UNC5A: variants seen among roughly 807,000 people sequenced by gnomAD.
UNC5A encodes netrin receptor UNC5A.
UNC5A carries 20 observed loss-of-function variants against 87.4 expected under a neutral mutation model. That is an observed-to-expected ratio of 0.23 (90% CI 0.16 to 0.33). The LOEUF (loss-of-function observed/expected upper bound fraction) is 0.33, where lower values mean the gene tolerates loss of function less well. UNC5A is among the 10% of genes least tolerant of loss of function. UNC5A has a pLI of 1.00. For missense variants in UNC5A, 844 were observed against 1,133.4 expected, an observed-to-expected ratio of 0.74 and a Z score of 3.67; for synonymous variants, 438 against 482.3, an observed-to-expected ratio of 0.91 and a Z score of 1.20.
chr5:176,879,236 C>T, intron 13 of UNC5A, 74 bp from the exon 14 acceptor site: 3 of 1,500,246 alleles, frequency 2.0e-6, no homozygotes, highest in Non-Finnish European at 2.7e-6. Flanking sequence ...CTGGGAGCTC[C>T]CCCAGCAGGA....
At chr5:176,860,744 C>G (rs1757815960) in intron 1 of UNC5A, among the ~76,000 whole-genome samples, 1 of 152,186 alleles carries the variant, frequency 6.6e-6, no homozygotes, top group African/African-American at 2.4e-5. Flanking sequence ...GGTCTGATGA[C>G]CTTCATTTTC....
At position 176,872,357 on chromosome 5, in the gene UNC5A, A is replaced by T. The variant is rs538167381; in HGVS notation, c.887-1611A>T. On this transcript the variant is annotated intron_variant, in intron 6 of 14. Coordinates refer to ENST00000329542, the MANE Select transcript of UNC5A (RefSeq NM_133369.3). ...ATCTGTCCACGCTCACCAACACCAC[A>T]GCTTCACATCTGCCCACACTCACCA... Among the ~76,000 whole-genome samples, 143 of 17,664 alleles carry T rather than the reference A, an allele frequency of 8.1e-3. 30 individuals carry two copies. Among genetic ancestry groups the T allele is most frequent in the African/African-American group, 0.024 (136 of 5,572 alleles). The allele number at this position is 17,664 out of a possible 152,430, so 11.6% of individuals were successfully genotyped here. A position where few individuals can be genotyped will look rare whatever the true frequency, so the allele number is the denominator to read the frequency against.
At chr5:176,877,043 G>A in intron 8 of UNC5A, 149 bp from the exon 9 acceptor site, 2 of 613,194 alleles carry the variant, frequency 3.3e-6, no homozygotes, top group East Asian at 6.1e-5. Flanking sequence ...GGGGGTGGTT[G>A]GTCAGCACGG....
rs540266679 is a variant in UNC5A, at chr5:176,864,301, C to T, written c.292+1456C>T. Among the ~76,000 whole-genome samples, 10 of 152,304 alleles carry T rather than the reference C, an allele frequency of 6.6e-5. No homozygotes were observed. In the South Asian group the frequency reaches 1.9e-3, roughly 28 times the overall value. On this transcript the variant is annotated intron_variant, in intron 2 of 14. Transcript: ENST00000329542. ...TCGGGTATGGAGCGAGAGCGAACCC[C>T]GGGGCAGGCAGCAGTGGCCAGGAGA...
Position 176,866,753 on chromosome 5 carries a change from G to A in UNC5A, c.293-1377G>A, listed in dbSNP as rs899793529. Among the ~76,000 whole-genome samples the A allele has an allele frequency of 1.3e-5, 2 of 152,108 alleles. No individual in the cohort carries two copies. The highest frequency in any genetic ancestry group is 2.9e-5 in the Non-Finnish European group (2 of 68,020). On this transcript the variant is annotated intron_variant, in intron 2 of 14. Coordinates refer to ENST00000329542, the MANE Select transcript of UNC5A (RefSeq NM_133369.3). This position sits in a 1 kb window ranked among gnomAD's most constrained non-coding sequence, Gnocchi z 5.0. ...CCCCTCTCCTATACAAGGACCCTGT[G>A]AGCCACCCCCTCGTTCTCAGCCTGC...
intron 1 of UNC5A, among the ~76,000 whole-genome samples, chr5:176,830,021 T>C (rs1756960808): frequency 6.6e-6 from 1 of 151,782 alleles, no homozygotes; most frequent in Non-Finnish European, 1.5e-5. Flanking sequence ...ATTAAAGGGG[T>C]GTGCCACCAT....
rs192855305 is a variant in UNC5A at position 176,878,506 on chromosome 5, C to T, written c.2051C>T (p.Thr684Met). 60 of 1,613,052 alleles carry T rather than the reference C, an allele frequency of 3.7e-5. No homozygotes were observed. The highest frequency in any genetic ancestry group is 4.7e-5 in the Non-Finnish European group (56 of 1,179,824). The change falls in exon 13 of 15, where the codon ACG (threonine) becomes ATG (methionine). Residue 684 changes from threonine (T) to methionine (M), a missense_variant. By Grantham distance (81) the Thr-to-Met change is moderately conservative. Transcript: ENST00000329542. ...EIPFYHIWNG[T>M]QRYLHCTFTL... ...CCCTTTTATCACATCTGGAATGGCA[C>T]GCAGCGGTACTTGCACTGCACCTTC...
intron 1 of UNC5A, among the ~76,000 whole-genome samples, chr5:176,831,468 ATCCAGGTGTGACCTGGGGGC>A (rs998711517): frequency 2.6e-5 from 4 of 152,224 alleles, no homozygotes; most frequent in African/African-American, 9.6e-5. Context: ...GCCAGCACGC[ATCCAGGTGTGACCTGGGGGC>A]TCCATTCCTT....
chr5:176,868,646 G>T lies in UNC5A; in HGVS notation c.522G>T (p.Glu174Asp). 1 of 1,604,652 alleles carries T rather than the reference G, an allele frequency of 6.2e-7. No homozygotes were observed. Among genetic ancestry groups the T allele is most frequent in the Non-Finnish European group, 8.5e-7 (1 of 1,176,112 alleles). The part of the protein sequence containing the change: ...QGIVLPCRPP[E>D]GIPPAEVEWL... ...TCGTGCTGCCCTGCCGTCCACCGGA[G>T]GGCATCCCTCCAGCCGAGGTGAGGG... The change falls in exon 4 of 15, where the codon GAG becomes GAT. Residue 174 changes from glutamate to aspartate, a missense_variant. Physicochemically the swap from Glu to Asp is conservative, Grantham distance 45. This residue lies in a region of UNC5A where 314 missense variants were observed against 466.5 expected (regional missense o/e 0.67). Transcript: ENST00000329542.
intron 1 of UNC5A, among the ~76,000 whole-genome samples, chr5:176,825,301 G>A (rs1314434625): frequency 2.6e-5 from 4 of 152,196 alleles, no homozygotes; most frequent in African/African-American, 7.2e-5. Context: ...AAGGGGGCCC[G>A]GGAGAGAGCA....
In UNC5A at chr5:176,880,763, C is replaced by A; in HGVS notation, c.*877C>A. The A allele has an allele frequency of 4.1e-6, 1 of 242,370 alleles. No individual in the cohort carries two copies. The highest frequency in any genetic ancestry group is 9.1e-5 in the South Asian group (1 of 10,942). 15.0% of individuals were successfully genotyped at this position (242,370 alleles called of 1,614,324 possible). A position where few individuals can be genotyped will look rare whatever the true frequency, so the allele number is the denominator to read the frequency against. On this transcript the variant is annotated 3_prime_UTR_variant, in exon 15 of 15. Transcript: ENST00000329542. ...CCCACGCGGGGCCTGTCATGTGAAG[C>A]TCGTGTCCTGACTTTGTCTTAAGTG...
rs540061935 is a variant in UNC5A at position 176,866,118 on chromosome 5, G to A, written c.293-2012G>A. 3.3e-5 allele frequency among the ~76,000 whole-genome samples: 5 copies of A among 152,260 alleles called. No individual in the cohort carries two copies. The highest frequency in any genetic ancestry group is 1.3e-4 in the Admixed American group (2 of 15,308). ...CACACCCGCCCAGGCCCACTGGCCCGGGGTCCCTCCCCAGGGCTGGCACCT... is the reference window on the plus strand; with the variant it reads ...CACACCCGCCCAGGCCCACTGGCCCAGGGTCCCTCCCCAGGGCTGGCACCT... On this transcript the variant is annotated intron_variant, in intron 2 of 14. Coordinates refer to ENST00000329542, the MANE Select transcript of UNC5A (RefSeq NM_133369.3). The surrounding 1 kb of genome is among the most constrained non-coding windows in gnomAD (Gnocchi z 5.0).
At chr5:176,835,292 G>T (rs1192942781) in intron 1 of UNC5A, among the ~76,000 whole-genome samples, 1 of 152,246 alleles carries the variant, frequency 6.6e-6, no homozygotes, top group African/African-American at 2.4e-5. Context: ...AGCAGGCCCT[G>T]GGGGCTCAGG....
Position 176,877,607 on chromosome 5 carries a change from C to T in UNC5A, c.1539C>T (p.Thr513=). 1.2e-6 allele frequency: 2 copies of T among 1,612,550 alleles called. No homozygotes were observed. The highest frequency in any genetic ancestry group is 1.1e-5 in the South Asian group (1 of 91,084). Residue 513 remains threonine (T), a synonymous_variant, in exon 10 of 15, where the codon ACC becomes ACT. Coordinates refer to ENST00000329542, the MANE Select transcript of UNC5A (RefSeq NM_133369.3). ...VSCGPPGVLL[T]RPVILAMDHC... ...GTGGACCCCCTGGCGTCCTGCTCAC[C>T]CGGCCAGTCATCCTGGCTATGGACC...
At chr5:176,864,493 T>C (rs1228934982) in intron 2 of UNC5A, among the ~76,000 whole-genome samples, 6 of 152,200 alleles carry the variant, frequency 3.9e-5, no homozygotes, top group Non-Finnish European at 8.8e-5. Flanking sequence ...TGAAGAGCCC[T>C]GGATTTAGGC....
In UNC5A at chr5:176,865,486, G is replaced by A. The variant is rs1757952329; in HGVS notation, c.292+2641G>A. ...CTGCCGGGCAGAGAAGCAGAGCTTG[G>A]GACACGTCCCACCCGTAACCGCCAG... is the stretch of plus-strand genomic sequence containing the variant. On this transcript the variant is annotated intron_variant, in intron 2 of 14. Coordinates refer to ENST00000329542, the MANE Select transcript of UNC5A (RefSeq NM_133369.3). This position sits in a 1 kb window ranked among gnomAD's most constrained non-coding sequence, Gnocchi z 5.3. The A allele has an allele frequency of 2.4e-6, 1 of 419,744 alleles. No homozygotes were observed. Among genetic ancestry groups the A allele is most frequent in the Non-Finnish European group, 4.8e-6 (1 of 206,456 alleles). The allele number at this position is 419,744 out of a possible 1,614,324, so 26.0% of individuals were successfully genotyped here. A position where few individuals can be genotyped will look rare whatever the true frequency, so the allele number is the denominator to read the frequency against.
rs2149365586 is a variant in UNC5A at position 176,866,272 on chromosome 5, G to T, written c.293-1858G>T. Among the ~76,000 whole-genome samples, 1 of 152,322 alleles carries T rather than the reference G, an allele frequency of 6.6e-6. No individual in the cohort carries two copies. Among genetic ancestry groups the T allele is most frequent in the Non-Finnish European group, 1.5e-5 (1 of 68,020 alleles). ...TCAAAGATGGGGTAGGGCCGGGTCT[G>T]CAGCCCCCGCCTCAGGCACTGCCCT... On this transcript the variant is annotated intron_variant, in intron 2 of 14. Transcript: ENST00000329542. The surrounding 1 kb of genome is among the most constrained non-coding windows in gnomAD (Gnocchi z 5.0).
chr5:176,822,714 C>T (rs1194801799), intron 1 of UNC5A, among the ~76,000 whole-genome samples: 1 of 152,224 alleles, frequency 6.6e-6, no homozygotes, highest in African/African-American at 2.4e-5. Context: ...TGCCTCTGCC[C>T]CAGAGTTCTG....
At position 176,869,722 on chromosome 5, in the gene UNC5A, G is replaced by A. The variant is rs952565690; in HGVS notation, c.722-648G>A. The A allele has an allele frequency of 1.5e-6, 1 of 660,846 alleles. No homozygotes were observed. The highest frequency in any genetic ancestry group is 1.6e-5 in the South Asian group (1 of 63,448). 40.9% of individuals were successfully genotyped at this position (660,846 alleles called of 1,614,324 possible). A position where few individuals can be genotyped will look rare whatever the true frequency, so the allele number is the denominator to read the frequency against. ...TGCACCAACCCGGCGCCTCTCAACG[G>A]GGGCGCTTTCTGTGAGGGGCAGAAT... is the stretch of plus-strand genomic sequence containing the variant. On this transcript the variant is annotated intron_variant, in intron 5 of 14. Coordinates refer to ENST00000329542, the MANE Select transcript of UNC5A (RefSeq NM_133369.3). The surrounding 1 kb of genome is among the most constrained non-coding windows in gnomAD (Gnocchi z 9.1).
Sources: gnomAD v4.1 joint callset for allele counts (sites outside exome capture counted in the v4.1 genomes callset) on GRCh38, gnomAD v4.1.1 for gene constraint, gnomAD v4.1.1 regional missense constraint, Gnocchi (gnomAD v3.1) non-coding constraint, MANE v1.5 for transcripts, NCBI Gene and HGNC (gene_info 2026-07-23, HGNC 2026-07-21) for gene names.